HS3ST5: variants seen among roughly 807,000 people sequenced by gnomAD.
HS3ST5 encodes the protein heparan sulfate glucosamine 3-O-sulfotransferase 5.
HS3ST5 carries 10 observed loss-of-function variants against 25.4 expected under a neutral mutation model. The ratio of observed to expected loss-of-function variants is 0.39; its 90% CI spans 0.24 to 0.67. HS3ST5 has a LOEUF of 0.67. HS3ST5 is among the 30% of genes least tolerant of loss of function. The pLI is 0.44. For synonymous variants in HS3ST5, 170 were observed against 162.4 expected, an observed-to-expected ratio of 1.05 and a Z score of -0.36; for missense variants, 324 against 420.7, an observed-to-expected ratio of 0.77 and a Z score of 2.01.
At chr6:114,235,095 C>T (rs1340234748) in intron 1 of HS3ST5, among the ~76,000 whole-genome samples, 1 of 152,110 alleles carries the variant, frequency 6.6e-6, no homozygotes, top group African/African-American at 2.4e-5. Flanking sequence ...TGCACTCCAG[C>T]CTGGGCGACA....
rs1252946928 is a variant in HS3ST5, at chr6:114,241,141, T to TG, written c.-338-12364_-338-12363insC. Among the ~76,000 whole-genome samples the TG allele has an allele frequency of 2.7e-5, 4 of 150,862 alleles. No homozygotes were observed. The East Asian group carries it at 5.8e-4, about 22-fold the overall frequency. On this transcript the variant is annotated intron_variant, in intron 1 of 4. Coordinates refer to ENST00000312719, the MANE Select transcript of HS3ST5 (RefSeq NM_153612.4). ...ATTTAAAGAAAAATCAGTTTTTTTTTTTTTTTTTTTTTTACTATAATACAA... is the reference window on the plus strand; with the variant it reads ...ATTTAAAGAAAAATCAGTTTTTTTTTGTTTTTTTTTTTTTACTATAATACAA...
At chr6:114,216,130 A>T (rs1231129487) in intron 2 of HS3ST5, among the ~76,000 whole-genome samples, 9 of 152,212 alleles carry the variant, frequency 5.9e-5, no homozygotes, top group Non-Finnish European at 1.3e-4. Flanking sequence ...CATGCCTAGT[A>T]GGGTCCCAGA....
chr6:114,143,142 T>C (rs1254822119), intron 3 of HS3ST5: 2 of 152,246 alleles, frequency 1.3e-5, no homozygotes, highest in Non-Finnish European at 1.5e-5. Flanking sequence ...TGCTTTTCAC[T>C]GGACATGTGG....
In HS3ST5 at chr6:114,298,805, T is replaced by C. The variant is rs535914924; in HGVS notation, c.-339+43390A>G. Among the ~76,000 whole-genome samples, 10 of 152,340 alleles carry C rather than the reference T, an allele frequency of 6.6e-5. No individual in the cohort carries two copies. The South Asian group carries it at 2.1e-3, about 32-fold the overall frequency. On this transcript the variant is annotated intron_variant, in intron 1 of 4. Coordinates refer to ENST00000312719, the MANE Select transcript of HS3ST5 (RefSeq NM_153612.4). ...ATTGTGAAGATTTCGTGGACACTTATCACTTCCCCAATCAATACCCTTGTG... is the reference window on the plus strand; with the variant it reads ...ATTGTGAAGATTTCGTGGACACTTACCACTTCCCCAATCAATACCCTTGTG...
At chr6:114,281,214 C>T (rs907671432) in intron 1 of HS3ST5, among the ~76,000 whole-genome samples, 3 of 151,880 alleles carry the variant, frequency 2.0e-5, no homozygotes, top group African/African-American at 7.3e-5. Flanking sequence ...ATCCTTAGTC[C>T]GTAGTATAAC....
At chr6:114,334,703 A>C (rs1244513779) in intron 1 of HS3ST5, among the ~76,000 whole-genome samples, 1 of 152,214 alleles carries the variant, frequency 6.6e-6, no homozygotes, top group Non-Finnish European at 1.5e-5. Context: ...GTACCAGGCT[A>C]TACCATCCAG....
intron 3 of HS3ST5, among the ~76,000 whole-genome samples, chr6:114,068,728 T>A (rs192730863): frequency 1.3e-5 from 2 of 152,004 alleles, no homozygotes; most frequent in Non-Finnish European, 2.9e-5. Flanking sequence ...AAACTAAAGT[T>A]TTTTTTTAGA....
At chr6:114,230,596 C>CTTTT in intron 1 of HS3ST5, among the ~76,000 whole-genome samples, 1 of 136,906 alleles carries the variant, frequency 7.3e-6, no homozygotes, top group Non-Finnish European at 1.6e-5. Context: ...CCTTAAGACT[C>CTTTT]TTTTTTTTTT....
intron 1 of HS3ST5, among the ~76,000 whole-genome samples, chr6:114,250,196 A>T (rs1373517917): frequency 6.6e-6 from 1 of 152,218 alleles, no homozygotes; most frequent in Non-Finnish European, 1.5e-5. Flanking sequence ...TTGAATACAA[A>T]TAGAGATCTG....
chr6:114,136,270 G>A (rs770144946), intron 3 of HS3ST5, among the ~76,000 whole-genome samples: 10 of 152,196 alleles, frequency 6.6e-5, no homozygotes, highest in Non-Finnish European at 1.5e-4. Context: ...AATCATGGGG[G>A]CAGGTCTTTC....
At chr6:114,284,901 T>A (rs1396770678) in intron 1 of HS3ST5, among the ~76,000 whole-genome samples, 1 of 151,992 alleles carries the variant, frequency 6.6e-6, no homozygotes, top group Non-Finnish European at 1.5e-5. Flanking sequence ...AAAATATCCA[T>A]CACACTAAAA....
chr6:114,094,029 A>T (rs1048193718), intron 3 of HS3ST5, among the ~76,000 whole-genome samples: 2 of 152,196 alleles, frequency 1.3e-5, no homozygotes, highest in African/African-American at 2.4e-5. Context: ...GAGTAAGGAT[A>T]CCAAATAGGA....
chr6:114,275,888 T>C (rs1038529663), intron 1 of HS3ST5, among the ~76,000 whole-genome samples: 4 of 152,020 alleles, frequency 2.6e-5, no homozygotes, highest in African/African-American at 4.8e-5. Flanking sequence ...ACAGGCTATA[T>C]AGTTTGCTGA....
chr6:114,269,954 T>A (rs1176382075), intron 1 of HS3ST5, among the ~76,000 whole-genome samples: 2 of 152,180 alleles, frequency 1.3e-5, no homozygotes, highest in Admixed American at 1.3e-4. Flanking sequence ...GCCTCCATGA[T>A]CAGTCAATGG....
At chr6:114,340,342 A>G (rs1776775075) in intron 1 of HS3ST5, among the ~76,000 whole-genome samples, 2 of 152,222 alleles carry the variant, frequency 1.3e-5, no homozygotes, top group African/African-American at 4.8e-5. Context: ...TTCTCAAGTA[A>G]TGATGTTTCT....
At chr6:114,169,874 C>A (rs1779394195) in intron 2 of HS3ST5, among the ~76,000 whole-genome samples, 1 of 152,070 alleles carries the variant, frequency 6.6e-6, no homozygotes, top group South Asian at 2.1e-4. Context: ...GTATTTAGTT[C>A]AAGGAACAAA....
At chr6:114,191,677 C>G (rs973032223) in intron 2 of HS3ST5, among the ~76,000 whole-genome samples, 1 of 152,052 alleles carries the variant, frequency 6.6e-6, no homozygotes, top group Non-Finnish European at 1.5e-5. Context: ...TTGCAGTGTC[C>G]GAAGCTGGGG....
chr6:114,254,764 A>C (rs1224933574), intron 1 of HS3ST5, among the ~76,000 whole-genome samples: 1 of 152,164 alleles, frequency 6.6e-6, no homozygotes, highest in Non-Finnish European at 1.5e-5. Context: ...AAACCATCAG[A>C]TCTCATGAGA....
intron 3 of HS3ST5, among the ~76,000 whole-genome samples, chr6:114,162,077 G>A (rs1779001487): frequency 6.6e-6 from 1 of 151,964 alleles, no homozygotes. Flanking sequence ...TGTATCTGCA[G>A]TTATTATTAT....
Sources: allele counts gnomAD v4.1 joint callset (sites outside exome capture counted in the v4.1 genomes callset), GRCh38; gene constraint gnomAD v4.1.1; transcripts MANE v1.5; gene names NCBI Gene and HGNC (gene_info 2026-07-23, HGNC 2026-07-21).